CFAP47: variants seen among roughly 807,000 people sequenced by gnomAD.
CFAP47 encodes the protein cilia- and flagella-associated protein 47.
A neutral mutation model predicts 148.1 loss-of-function variants in CFAP47; 29 were observed. The ratio of observed to expected loss-of-function variants is 0.20; its 90% CI spans 0.15 to 0.27. The LOEUF (loss-of-function observed/expected upper bound fraction) is 0.27. CFAP47 is among the 10% of genes least tolerant of loss of function. The probability of loss-of-function intolerance (pLI) is 1.00; values close to 1 mark genes in which losing one functional copy is unlikely to be tolerated. For missense variants in CFAP47, 1,872 were observed against 1,697.5 expected (o/e 1.10, Z -1.81); for synonymous variants, 664 against 577.3 (o/e 1.15, Z -2.15).
At chrX:35,990,432 A>G (rs1162107593) in intron 16 of CFAP47, among the ~76,000 whole-genome samples, 1 of 111,020 alleles carries the variant, frequency 9.0e-6, no homozygotes, top group Non-Finnish European at 1.9e-5. Flanking sequence ...AAATCAGTCT[A>G]TGTTGCACTA....
intron 10 of CFAP47, among the ~76,000 whole-genome samples, chrX:35,969,340 G>A (rs948887175): frequency 1.8e-5 from 2 of 111,380 alleles, no homozygotes; most frequent in African/African-American, 6.5e-5. Context: ...TAAAATAAGG[G>A]AGGGATTTTT....
chrX:36,202,071 G>T (rs962564389), intron 44 of CFAP47, among the ~76,000 whole-genome samples: 2 of 110,859 alleles, frequency 1.8e-5, no homozygotes, highest in Non-Finnish European at 3.8e-5. Flanking sequence ...TACATAAAAT[G>T]CTTACCTCGT....
chrX:36,292,943 A>G (rs781853750), intron 51 of CFAP47, among the ~76,000 whole-genome samples: 1 of 111,462 alleles, frequency 9.0e-6, no homozygotes, highest in South Asian at 3.6e-4. Context: ...TATGTAATGT[A>G]CAATATGTAA....
At chrX:36,104,228 A>G (rs1328863341) in intron 32 of CFAP47, among the ~76,000 whole-genome samples, 1 of 112,202 alleles carries the variant, frequency 8.9e-6, no homozygotes, top group Non-Finnish European at 1.9e-5. Flanking sequence ...TCTTAAATGC[A>G]GTTATGTTTT....
intron 22 of CFAP47, among the ~76,000 whole-genome samples, chrX:36,020,335 A>G (rs1249095981): frequency 8.9e-6 from 1 of 112,184 alleles, no homozygotes; most frequent in Non-Finnish European, 1.9e-5. Context: ...TGTTCTGTAT[A>G]TATCTATTAG....
intron 57 of CFAP47, among the ~76,000 whole-genome samples, chrX:36,346,367 T>A (rs1288566114): frequency 1.8e-5 from 2 of 111,316 alleles, no homozygotes; most frequent in African/African-American, 6.5e-5. Context: ...TCCATGTCTA[T>A]CAGGTCTCTC....
intron 56 of CFAP47, among the ~76,000 whole-genome samples, chrX:36,312,202 G>A (rs1941399207): frequency 9.0e-6 from 1 of 110,673 alleles, no homozygotes; most frequent in African/African-American, 3.3e-5. Flanking sequence ...GAGCTGAACA[G>A]GAGAGGATTT....
intron 35 of CFAP47, chrX:36,144,658 C>T (rs370277139): frequency 2.9e-6 from 3 of 1,026,205 alleles, no homozygotes; most frequent in African/African-American, 3.9e-5. Flanking sequence ...ATCCGATTGG[C>T]TGTGGCAGTG....
At chrX:36,224,128 A>G (rs919273048) in intron 45 of CFAP47, among the ~76,000 whole-genome samples, 20 of 111,723 alleles carry the variant, frequency 1.8e-4, no homozygotes, top group African/African-American at 6.5e-4. Context: ...TTTCAGTTTT[A>G]AAATCACATG....
intron 57 of CFAP47, among the ~76,000 whole-genome samples, chrX:36,327,627 A>G (rs2146970610): frequency 8.9e-6 from 1 of 111,838 alleles, no homozygotes; most frequent in South Asian, 3.7e-4. Flanking sequence ...TATATACTCA[A>G]AAGAAAATAA....
Position 36,104,575 on chromosome X carries a change from TC to T in CFAP47, c.5205del (p.Asn1736IlefsTer21). On this transcript the variant is annotated frameshift_variant, in exon 33 of 64. Coordinates refer to ENST00000378653, the MANE Select transcript of CFAP47 (RefSeq NM_001304548.2). LOFTEE classifies it high-confidence loss of function. ...PPICVQNTPK[V>X]NPCFASSNIY... Reference sequence around the variant, plus strand: ...ATATGTGTGCAAAATACACCAAAAGTCAATCCTTGTTTTGCATCCAGCAACA... The same window carrying T: ...ATATGTGTGCAAAATACACCAAAAGTAATCCTTGTTTTGCATCCAGCAACA... The T allele has an allele frequency of 1.0e-6, 1 of 991,820 alleles. No individual in the cohort carries two copies. Among genetic ancestry groups the T allele is most frequent in the Non-Finnish European group, 1.4e-6 (1 of 703,824 alleles). 81.7% of individuals were successfully genotyped at this position (991,820 alleles called of 1,213,427 possible).
Position 35,971,403 on chromosome X carries a change from G to A in CFAP47, c.1971-183G>A, listed in dbSNP as rs896320937. Among the ~76,000 whole-genome samples, 3 of 111,554 alleles carry A rather than the reference G, an allele frequency of 2.7e-5. No individual in the cohort carries two copies. The East Asian group carries it at 8.4e-4, about 31-fold the overall frequency. ...GGCATGAGCATAATTTCCTCGATGA[G>A]ATGTTTGAGAAGGGAGTCTCCTCAG... On this transcript the variant is annotated intron_variant, in intron 11 of 63. Transcript: ENST00000378653.
At position 36,071,986 on chromosome X, in the gene CFAP47, T is replaced by A. The variant is rs1338361933; in HGVS notation, c.4465+15T>A. 1 of 1,160,006 alleles carries A rather than the reference T, an allele frequency of 8.6e-7. No homozygotes were observed. Among genetic ancestry groups the A allele is most frequent in the South Asian group, 2.0e-5 (1 of 49,959 alleles). ...CTTATTTATTGGTATGTAGCAAATA[T>A]ATAGTGTACTTTCCAAAATTAGTCC... On this transcript the variant is annotated intron_variant, in intron 28 of 63. Coordinates refer to ENST00000378653, the MANE Select transcript of CFAP47 (RefSeq NM_001304548.2).
At chrX:36,298,526 A>G (rs945935771) in intron 51 of CFAP47, among the ~76,000 whole-genome samples, 1 of 106,958 alleles carries the variant, frequency 9.3e-6, no homozygotes, top group Non-Finnish European at 1.9e-5. Flanking sequence ...AACCTGCACA[A>G]TGTGCACATG....
chrX:36,167,364 T>C (rs1031641215), intron 39 of CFAP47, among the ~76,000 whole-genome samples: 3 of 111,732 alleles, frequency 2.7e-5, no homozygotes, highest in African/African-American at 9.8e-5. Flanking sequence ...TGGTGCACTT[T>C]TTCTTCAGCA....
intron 21 of CFAP47, among the ~76,000 whole-genome samples, chrX:36,010,906 A>C (rs1409457001): frequency 9.0e-6 from 1 of 111,292 alleles, no homozygotes; most frequent in African/African-American, 3.3e-5. Flanking sequence ...TTTTTCTAAT[A>C]AGTCCTATGG....
At chrX:36,118,222 T>C (rs1367639609) in intron 33 of CFAP47, among the ~76,000 whole-genome samples, 5 of 111,947 alleles carry the variant, frequency 4.5e-5, no homozygotes, top group African/African-American at 1.6e-4. Flanking sequence ...TTGGCTATTC[T>C]GGGTCTTTTA....
rs781890298 is a variant in CFAP47, at chrX:36,366,843, G to A, written c.9024-123G>A. 284 of 349,233 alleles carry A rather than the reference G, an allele frequency of 8.1e-4. 2 individuals are homozygous for A. Among genetic ancestry groups the A allele is most frequent in the South Asian group, 5.7e-3 (51 of 9,003 alleles). The allele number at this position is 349,233 out of a possible 1,213,427, so 28.8% of individuals were successfully genotyped here. On this transcript the variant is annotated intron_variant, in intron 61 of 63. Coordinates refer to ENST00000378653, the MANE Select transcript of CFAP47 (RefSeq NM_001304548.2). ...TTTACATTATTTTTAAGAATTAAAT[G>A]TCCTAGTGTTTTCACTGAAACCACA... is the stretch of plus-strand genomic sequence containing the variant.
intron 60 of CFAP47, among the ~76,000 whole-genome samples, chrX:36,354,316 C>A (rs992088253): frequency 1.1e-3 from 120 of 108,411 alleles, no homozygotes; most frequent in African/African-American, 3.9e-3. Context: ...CCCGTCTCTA[C>A]TAACAATATA....
Sources: gnomAD v4.1 joint callset for allele counts (sites outside exome capture counted in the v4.1 genomes callset) on GRCh38, gnomAD v4.1.1 for gene constraint, MANE v1.5 for transcripts, NCBI Gene and HGNC (gene_info 2026-07-23, HGNC 2026-07-21) for gene names.